LLGL2: variants seen among roughly 807,000 people sequenced by gnomAD.
LLGL2 encodes LLGL2, scribble cell polarity complex component.
Under a neutral mutation model 123.2 loss-of-function variants are expected in LLGL2, and 81 were observed. That is an observed-to-expected ratio of 0.66 (90% CI 0.55 to 0.79). LLGL2 has a LOEUF of 0.79. Ranked by LOEUF, LLGL2 falls within the 30% of genes least tolerant of loss-of-function variation. The pLI is 0.00. For synonymous variants in LLGL2, 577 were observed against 594.1 expected, an observed-to-expected ratio of 0.97 and a Z score of 0.42; for missense variants, 1,273 against 1,414.6, an observed-to-expected ratio of 0.90 and a Z score of 1.61.
At chr17:75,540,084 T>C (rs955276228) in intron 1 of LLGL2, among the ~76,000 whole-genome samples, 1 of 152,138 alleles carries the variant, frequency 6.6e-6, no homozygotes, top group Admixed American at 6.5e-5. Context: ...CTGGAGGCCA[T>C]GTGGCTTGGG....
upstream of LLGL2, chr17:75,525,652 G>A (rs959584552): frequency 6.7e-6 from 1 of 150,330 alleles, no homozygotes; most frequent in African/African-American, 2.4e-5. This position sits in a 1 kb window ranked among gnomAD's most constrained non-coding sequence, Gnocchi z 4.8. Context: ...GGCCCCGGCA[G>A]GCTCGCCCTT....
At chr17:75,560,824 A>AC (rs1290630378) in intron 6 of LLGL2, among the ~76,000 whole-genome samples, 37 of 111,892 alleles carry the variant, frequency 3.3e-4, no homozygotes, top group Non-Finnish European at 6.1e-4. Flanking sequence ...AAAAAAAAAA[A>AC]AAAAAAAACA....
rs537146365 is a variant in LLGL2, at chr17:75,559,850, G to A, written c.530+440G>A. On this transcript the variant is annotated intron_variant, in intron 6 of 25. Coordinates refer to ENST00000392550, the MANE Select transcript of LLGL2 (RefSeq NM_001031803.2). The surrounding 1 kb of genome is among the most constrained non-coding windows in gnomAD (Gnocchi z 4.6). The stretch of plus-strand genomic sequence containing the variant: ...GCTCCGTGGCTAAAAAGCCTTGACC[G>A]CCACAGGCATGTGGGTCTGTTGAGA... 9.2e-4 allele frequency among the ~76,000 whole-genome samples: 140 copies of A among 152,324 alleles called. No individual in the cohort carries two copies. The South Asian group carries it at 9.9e-3, about 11-fold the overall frequency.
chr17:75,572,812 T>C (rs1277806237), intron 19 of LLGL2, among the ~76,000 whole-genome samples: 3 of 147,208 alleles, frequency 2.0e-5, no homozygotes, highest in African/African-American at 7.6e-5. Flanking sequence ...AGAGCAAGAC[T>C]CCATCTCGGA....
intron 1 of LLGL2, among the ~76,000 whole-genome samples, chr17:75,540,603 G>A (rs945514441): frequency 2.6e-5 from 4 of 152,314 alleles, no homozygotes; most frequent in Admixed American, 6.5e-5. Flanking sequence ...GTGTCTGTGC[G>A]TGTCCCTGCC....
intron 3 of LLGL2, among the ~76,000 whole-genome samples, chr17:75,556,734 T>G (rs2054930620): frequency 6.6e-6 from 1 of 152,172 alleles, no homozygotes; most frequent in Non-Finnish European, 1.5e-5. Flanking sequence ...CAGGGACCCC[T>G]CTTGTCGCTA....
Position 75,573,225 on chromosome 17 carries a change from G to A in LLGL2, c.2672G>A (p.Arg891His), listed in dbSNP as rs754162202. The A allele has an allele frequency of 1.7e-5, 28 of 1,610,666 alleles. No individual in the cohort carries two copies. The highest frequency in any genetic ancestry group is 6.7e-5 in the East Asian group (3 of 44,802). ...LKPQVRYSCI[R>H]REDVSGIASC... ...CCCCAGGTGCGCTACAGCTGCATCC[G>A]CCGGGAGGACGTCAGTGGCATCGCC... Residue 891 changes from arginine to histidine, a missense_variant, in exon 20 of 26, where the codon CGC becomes CAC. Physicochemically the swap from Arg to His is conservative, Grantham distance 29. Coordinates refer to ENST00000392550, the MANE Select transcript of LLGL2 (RefSeq NM_001031803.2).
intron 19 of LLGL2, 100 bp downstream of exon 19, chr17:75,572,164 C>T: frequency 8.4e-7 from 1 of 1,194,706 alleles, no homozygotes; most frequent in Non-Finnish European, 1.2e-6. Flanking sequence ...GTCTTGTTTG[C>T]AGTTGGTGTC....
chr17:75,562,654 C>T (rs868566315), intron 6 of LLGL2: 43 of 257,944 alleles, frequency 1.7e-4, no homozygotes, highest in Non-Finnish European at 3.9e-5. Flanking sequence ...CTGCAACCTC[C>T]GCCTCCTGGG....
At chr17:75,567,630 C>T (rs976521159) in intron 10 of LLGL2, among the ~76,000 whole-genome samples, 5 of 145,702 alleles carry the variant, frequency 3.4e-5, no homozygotes, top group African/African-American at 1.3e-4. Flanking sequence ...CAGAGCAAGA[C>T]TCCATCTCAA....
At chr17:75,543,738 C>T (rs2054303807) in intron 2 of LLGL2, among the ~76,000 whole-genome samples, 1 of 152,170 alleles carries the variant, frequency 6.6e-6, no homozygotes, top group African/African-American at 2.4e-5. Flanking sequence ...GCTGTGTGAC[C>T]TCTGCAAGTC....
Position 75,530,680 on chromosome 17 carries a change from G to A in LLGL2, c.-31+4855G>A, listed in dbSNP as rs117693674. 9.2e-3 allele frequency among the ~76,000 whole-genome samples: 1,388 copies of A among 151,466 alleles called. 34 individuals carry two copies. The highest frequency in any genetic ancestry group is 0.065 in the East Asian group (336 of 5,150). ...AAAAAAAAAAAATTAGCTGGGCATC[G>A]TGGTGTGCACCTGTTGTCCCAATTA... On this transcript the variant is annotated intron_variant, in intron 1 of 25. Coordinates refer to ENST00000392550, the MANE Select transcript of LLGL2 (RefSeq NM_001031803.2).
chr17:75,566,542 C>T (rs2055450325), intron 10 of LLGL2, among the ~76,000 whole-genome samples: 1 of 152,222 alleles, frequency 6.6e-6, no homozygotes, highest in South Asian at 2.1e-4. Context: ...CACAGCTACT[C>T]AGCCTAATGC....
chr17:75,558,762 G>C lies in LLGL2; in HGVS notation c.371+135G>C. On this transcript the variant is annotated intron_variant, in intron 5 of 25. Transcript: ENST00000392550. This position sits in a 1 kb window ranked among gnomAD's most constrained non-coding sequence, Gnocchi z 4.0. ...TGGCATGCGTTTGGCCCGATGCATC[G>C]CCACACTCAGGTGCTCCGAGTGGAG... is the stretch of plus-strand genomic sequence containing the variant. The C allele has an allele frequency of 1.4e-6, 1 of 709,212 alleles. No homozygotes were observed. The highest frequency in any genetic ancestry group is 1.7e-5 in the South Asian group (1 of 58,282). 43.9% of individuals were successfully genotyped at this position (709,212 alleles called of 1,614,324 possible). A position where few individuals can be genotyped will look rare whatever the true frequency, so the allele number is the denominator to read the frequency against.
At chr17:75,570,539 G>A in intron 16 of LLGL2, 41 bp downstream of exon 16, 1 of 1,544,050 alleles carries the variant, frequency 6.5e-7, no homozygotes, top group South Asian at 1.2e-5. Flanking sequence ...ACGCACCCAG[G>A]TTCGGCTCAG....
chr17:75,559,283 G>A lies in LLGL2; in HGVS notation c.403G>A (p.Val135Ile), dbSNP rs752820818. ...AAPSATQITVVLPHSSCELLY... is the reference protein window; with the variant it reads ...AAPSATQITVILPHSSCELLY... ...CCCCAGTGCCACACAGATCACCGTG[G>A]TCCTGCCACATTCCTCCTGCGAGCT... is the stretch of plus-strand genomic sequence containing the variant. Residue 135 changes from valine to isoleucine, a missense_variant, in exon 6 of 26, where the codon GTC becomes ATC. By Grantham distance (29) the Val-to-Ile change is conservative. Coordinates refer to ENST00000392550, the MANE Select transcript of LLGL2 (RefSeq NM_001031803.2). This position sits in a 1 kb window ranked among gnomAD's most constrained non-coding sequence, Gnocchi z 4.6. 6.2e-7 allele frequency: 1 copy of A among 1,612,382 alleles called. No homozygotes were observed. Among genetic ancestry groups the A allele is most frequent in the Admixed American group, 1.7e-5 (1 of 59,792 alleles).
chr17:75,526,489 A>T lies in LLGL2; in HGVS notation c.-31+664A>T, dbSNP rs557654412. ...GTGGAAAATTCTATCTTGCCAAAGA[A>T]AGTGTGTCTTAGTTTGTTCCGGCTG... is the stretch of plus-strand genomic sequence containing the variant. On this transcript the variant is annotated intron_variant, in intron 1 of 25. Transcript: ENST00000392550. Among the ~76,000 whole-genome samples the T allele has an allele frequency of 2.7e-3, 408 of 152,320 alleles. 3 individuals carry two copies. The highest frequency in any genetic ancestry group is 9.2e-3 in the African/African-American group (381 of 41,580).
At chr17:75,566,288 A>C (rs1048527266) in intron 10 of LLGL2, among the ~76,000 whole-genome samples, 5 of 152,214 alleles carry the variant, frequency 3.3e-5, no homozygotes, top group Admixed American at 3.3e-4. Flanking sequence ...CAGGGGTGCC[A>C]TGATCTAGCC....
chr17:75,551,447 A>C (rs1435458360), intron 2 of LLGL2, among the ~76,000 whole-genome samples: 1 of 134,842 alleles, frequency 7.4e-6, no homozygotes, highest in Non-Finnish European at 1.6e-5. Flanking sequence ...GGTCTGACTC[A>C]GTCCCTGTTC....
Sources: gnomAD v4.1 joint callset for allele counts (sites outside exome capture counted in the v4.1 genomes callset) on GRCh38, gnomAD v4.1.1 for gene constraint, Gnocchi (gnomAD v3.1) non-coding constraint, MANE v1.5 for transcripts, NCBI Gene and HGNC (gene_info 2026-07-23, HGNC 2026-07-21) for gene names.